The following EXOC2 variants were observed in gnomAD, a reference collection of about 807,000 sequenced individuals.
EXOC2 encodes the protein exocyst complex component 2.
In EXOC2, 70 loss-of-function variants were observed where a neutral mutation model predicts 131.8. The observed-to-expected ratio is 0.53, with a 90% CI of 0.44 to 0.65. EXOC2 has a LOEUF of 0.65. Among genes scored for constraint, EXOC2 ranks in the 30% least tolerant of loss-of-function variants. The pLI is 0.00. For synonymous variants in EXOC2, 411 were observed against 398.4 expected, an observed-to-expected ratio of 1.03 and a Z score of -0.38; for missense variants, 923 against 1,108.6, an observed-to-expected ratio of 0.83 and a Z score of 2.38.
intron 27 of EXOC2, among the ~76,000 whole-genome samples, chr6:487,650 C>T (rs1427275725): frequency 6.6e-6 from 1 of 152,148 alleles, no homozygotes; most frequent in South Asian, 2.1e-4. Flanking sequence ...CGTGATCCGC[C>T]CACCTCAGCC....
At chr6:595,582 T>C (rs1759766906) in intron 10 of EXOC2, among the ~76,000 whole-genome samples, 1 of 152,090 alleles carries the variant, frequency 6.6e-6, no homozygotes, top group South Asian at 2.1e-4. Flanking sequence ...TTTTAAACGA[T>C]ATCCAGTAAG....
At chr6:503,883 G>A (rs1033907630) in intron 23 of EXOC2, among the ~76,000 whole-genome samples, 2 of 152,186 alleles carry the variant, frequency 1.3e-5, no homozygotes, top group African/African-American at 2.4e-5. Context: ...TCCTCAGCCT[G>A]TCCCGTGGGC....
chr6:528,352 A>C (rs1474362631), intron 23 of EXOC2, among the ~76,000 whole-genome samples: 1 of 152,226 alleles, frequency 6.6e-6, no homozygotes, highest in Non-Finnish European at 1.5e-5. Flanking sequence ...TAAAGTTGTT[A>C]ATTGAAATTA....
At position 596,547 on chromosome 6, in the gene EXOC2, T is replaced by G. The variant is rs185123937; in HGVS notation, c.1073+1474A>C. On this transcript the variant is annotated intron_variant, in intron 10 of 27. Transcript: ENST00000230449. Reference sequence around the variant, plus strand: ...CGCATCTGGCTAATTTTTGATTTTTTGCAGAGACCAGGTTTTGCTATATTG... The same window carrying G: ...CGCATCTGGCTAATTTTTGATTTTTGGCAGAGACCAGGTTTTGCTATATTG... Among the ~76,000 whole-genome samples, 61 of 152,246 alleles carry G rather than the reference T, an allele frequency of 4.0e-4. 1 individual carries two copies. The highest frequency in any genetic ancestry group is 1.4e-3 in the African/African-American group (60 of 41,552).
intron 11 of EXOC2, 144 bp downstream of exon 11, chr6:592,325 C>A (rs1759584065): frequency 2.9e-6 from 2 of 693,750 alleles, no homozygotes; most frequent in Non-Finnish European, 4.7e-6. Context: ...AACCAGTGGC[C>A]AAAAAAACCA....
chr6:673,123 G>A (rs1365881959), intron 1 of EXOC2, among the ~76,000 whole-genome samples: 3 of 151,662 alleles, frequency 2.0e-5, no homozygotes, highest in Admixed American at 6.6e-5. Context: ...TTAGCTGGGC[G>A]TGGTGGCGGG....
chr6:672,279 C>G (rs78721607), intron 1 of EXOC2, among the ~76,000 whole-genome samples: 5,909 of 152,078 alleles, frequency 0.039, 182 homozygotes, highest in African/African-American at 0.083. Flanking sequence ...TTTTTCATTC[C>G]TTCTTAAAGT....
chr6:656,014 T>C, intron 1 of EXOC2: 1 of 900,980 alleles, frequency 1.1e-6, no homozygotes, highest in Non-Finnish European at 1.7e-6. Context: ...CATAAGTCAG[T>C]GAAGGTCCAA....
intron 10 of EXOC2, among the ~76,000 whole-genome samples, chr6:596,541 A>AT (rs1286387308): frequency 6.6e-6 from 1 of 151,692 alleles, no homozygotes; most frequent in Non-Finnish European, 1.5e-5. Context: ...CTAATTTTTG[A>AT]TTTTTTGCAG....
chr6:624,985 C>T (rs576734844), intron 4 of EXOC2, among the ~76,000 whole-genome samples: 32 of 152,294 alleles, frequency 2.1e-4, no homozygotes, highest in African/African-American at 6.7e-4. Context: ...TGACAGAGAC[C>T]CTACTGTGTA....
At chr6:649,188 C>T (rs1415469923) in intron 1 of EXOC2, among the ~76,000 whole-genome samples, 1 of 152,112 alleles carries the variant, frequency 6.6e-6, no homozygotes, top group Non-Finnish European at 1.5e-5. Context: ...CTGTGCCCGG[C>T]CACAAACTAA....
At chr6:621,781 G>A (rs927826193) in intron 4 of EXOC2, among the ~76,000 whole-genome samples, 5 of 152,226 alleles carry the variant, frequency 3.3e-5, no homozygotes, top group Non-Finnish European at 7.4e-5. Context: ...CAGTCTCTGG[G>A]AGGGAGGTGG....
intron 9 of EXOC2, among the ~76,000 whole-genome samples, chr6:598,420 C>G (rs932704994): frequency 6.6e-6 from 1 of 152,126 alleles, no homozygotes; most frequent in Admixed American, 6.5e-5. Flanking sequence ...TTTAATAAGG[C>G]CCTGTGATAT....
intron 3 of EXOC2, among the ~76,000 whole-genome samples, chr6:631,839 TATAA>T (rs1761875342): frequency 6.6e-6 from 1 of 152,206 alleles, no homozygotes; most frequent in Non-Finnish European, 1.5e-5. Flanking sequence ...CATGTACATA[TATAA>T]AGTCCACTCT....
chr6:656,664 G>T (rs1763120140), intron 1 of EXOC2: 1 of 1,607,176 alleles, frequency 6.2e-7, no homozygotes, highest in African/African-American at 1.3e-5. Flanking sequence ...CGCGCCCGCT[G>T]CGCTTCTCGC....
intron 1 of EXOC2, among the ~76,000 whole-genome samples, chr6:685,143 C>A (rs542486004): frequency 1.3e-5 from 2 of 152,054 alleles, no homozygotes; most frequent in East Asian, 3.9e-4. Flanking sequence ...CACACACACA[C>A]ACACACACAA....
In EXOC2 at chr6:554,028, T is replaced by C. The variant is rs1020094663; in HGVS notation, c.2055-108A>G. On this transcript the variant is annotated intron_variant, in intron 20 of 27. Transcript: ENST00000230449. Reference sequence around the variant, plus strand: ...TGCAATGAATTATATGGAAAACATTTGGTGAAAGTCACATAACTTTTTTTT... The same window carrying C: ...TGCAATGAATTATATGGAAAACATTCGGTGAAAGTCACATAACTTTTTTTT... 2.3e-5 allele frequency: 20 copies of C among 881,048 alleles called. No individual in the cohort carries two copies. In the African/African-American group the frequency reaches 3.6e-4, roughly 16 times the overall value. The allele number at this position is 881,048 out of a possible 1,614,324, so 54.6% of individuals were successfully genotyped here.
intron 19 of EXOC2, 75 bp from the exon 20 acceptor site, chr6:555,363 T>C (rs1201933649): frequency 3.3e-6 from 3 of 918,802 alleles, no homozygotes; most frequent in African/African-American, 1.6e-5. Flanking sequence ...ACACTAAAGA[T>C]AACTTTACAT....
At position 667,798 on chromosome 6, in the gene EXOC2, G is replaced by A. The variant is rs866937356; in HGVS notation, c.-44+25221C>T. On this transcript the variant is annotated intron_variant, in intron 1 of 27. Coordinates refer to ENST00000230449, the MANE Select transcript of EXOC2 (RefSeq NM_018303.6). The stretch of plus-strand genomic sequence containing the variant: ...TTCTCTGATTCTGTGGCTTGCCGAC[G>A]CCTGTCATGGGACTTCTCAGCCTCC... 9.3e-5 allele frequency among the ~76,000 whole-genome samples: 14 copies of A among 149,998 alleles called. 3 individuals are homozygous for A. The highest frequency in any genetic ancestry group is 3.4e-4 in the African/African-American group (14 of 40,806).
Sources: gnomAD v4.1 joint callset for allele counts (sites outside exome capture counted in the v4.1 genomes callset) on GRCh38, gnomAD v4.1.1 for gene constraint, MANE v1.5 for transcripts, NCBI Gene and HGNC (gene_info 2026-07-23, HGNC 2026-07-21) for gene names.